Variants in UNC13B observed in about 807,000 individuals in gnomAD.
The protein encoded by UNC13B is protein unc-13 homolog B.
UNC13B carries 144 observed loss-of-function variants against 211.0 expected under a neutral mutation model. That is an observed-to-expected ratio of 0.68 (90% confidence interval 0.60 to 0.78). The LOEUF (loss-of-function observed/expected upper bound fraction) is 0.78. UNC13B is among the 30% of genes least tolerant of loss of function. The pLI, the probability that UNC13B is intolerant of heterozygous loss-of-function variation, is 0.00. For missense variants in UNC13B, 1,777 were observed against 2,002.0 expected (o/e 0.89, Z 2.14); for synonymous variants, 709 against 725.8 (o/e 0.98, Z 0.37).
At chr9:35,294,418 C>G (rs1183091402) in intron 7 of UNC13B, among the ~76,000 whole-genome samples, 2 of 152,014 alleles carry the variant, frequency 1.3e-5, no homozygotes, top group East Asian at 3.9e-4. Context: ...GCGATTCTTC[C>G]GCCTAAGCCT....
chr9:35,364,411 C>G (rs1046010291), intron 11 of UNC13B: 2 of 881,022 alleles, frequency 2.3e-6, no homozygotes, highest in African/African-American at 3.3e-5. Context: ...TATGAACTGC[C>G]TAGTTGTCCC....
At position 35,301,517 on chromosome 9, in the gene UNC13B, A is replaced by G. The variant is rs1001377980; in HGVS notation, c.2113A>G (p.Ser705Gly). Residue 705 changes from serine (S) to glycine (G), a missense_variant, in exon 9 of 40, where the codon AGC (serine) becomes GGC (glycine). Transcript: ENST00000635942. ...REGTLDNYSS[S>G]IIALNGSDEE... The stretch of plus-strand genomic sequence containing the variant: ...AGGCACTCTTGACAATTACAGTAGT[A>G]GCATCATTGCTTTAAATGGGAGTGA... 2 of 398,772 alleles carry G rather than the reference A, an allele frequency of 5.0e-6. No homozygotes were observed. Among genetic ancestry groups the G allele is most frequent in the Non-Finnish European group, 8.9e-6 (2 of 225,972 alleles). 24.7% of individuals were successfully genotyped at this position (398,772 alleles called of 1,614,324 possible).
intron 7 of UNC13B, among the ~76,000 whole-genome samples, chr9:35,281,833 G>A (rs577154020): frequency 2.0e-5 from 3 of 152,320 alleles, no homozygotes; most frequent in African/African-American, 7.2e-5. Context: ...AAGGAGAAAA[G>A]AGTTCATAGT....
At chr9:35,189,756 G>C (rs1279688144) in intron 1 of UNC13B, among the ~76,000 whole-genome samples, 1 of 152,074 alleles carries the variant, frequency 6.6e-6, no homozygotes, top group Non-Finnish European at 1.5e-5. Context: ...CGCAACCTCC[G>C]CCTCCCAGGT....
intron 7 of UNC13B, among the ~76,000 whole-genome samples, chr9:35,283,270 A>G: frequency 6.6e-6 from 1 of 152,140 alleles, no homozygotes; most frequent in East Asian, 1.9e-4. Flanking sequence ...CCTTTGATTT[A>G]TTAATATGCT....
At chr9:35,395,443 A>C (rs938975884) in intron 26 of UNC13B, among the ~76,000 whole-genome samples, 2 of 152,136 alleles carry the variant, frequency 1.3e-5, no homozygotes, top group African/African-American at 2.4e-5. Context: ...ACACTAGTTC[A>C]CAAGGGCCAG....
chr9:35,166,454 A>T (rs1227990144), intron 1 of UNC13B, among the ~76,000 whole-genome samples: 2 of 152,116 alleles, frequency 1.3e-5, no homozygotes, highest in Non-Finnish European at 2.9e-5. Flanking sequence ...ACAAAAAAAG[A>T]AAAAAATTTC....
Position 35,301,282 on chromosome 9 carries a change from T to C in UNC13B, c.1878T>C (p.Thr626=). 5.0e-6 allele frequency: 2 copies of C among 398,514 alleles called. No individual in the cohort carries two copies. Among genetic ancestry groups the C allele is most frequent in the East Asian group, 7.1e-5 (2 of 28,062 alleles). 24.7% of individuals were successfully genotyped at this position (398,514 alleles called of 1,614,324 possible). Residue 626 remains threonine, a synonymous_variant, in exon 9 of 40, where the codon ACT becomes ACC. Transcript: ENST00000635942. ...AAAATGAGCACATGGGTAATAAAAC[T>C]GGGAGTTTATACTTTCAGAATACAA... ...TSENEHMGNK[T]GSLYFQNTTE... is the part of the protein sequence containing the mutation.
At chr9:35,233,933 T>A (rs532877333) in intron 3 of UNC13B, among the ~76,000 whole-genome samples, 21 of 152,256 alleles carry the variant, frequency 1.4e-4, no homozygotes, top group South Asian at 8.3e-4. Flanking sequence ...AGAAGCTTCT[T>A]ATAGAATATA....
chr9:35,229,540 A>AG (rs1376732544), intron 2 of UNC13B, among the ~76,000 whole-genome samples: 1 of 152,066 alleles, frequency 6.6e-6, no homozygotes, highest in Non-Finnish European at 1.5e-5. Context: ...ATCTTTTGAG[A>AG]GGGAATCAGG....
intron 24 of UNC13B, among the ~76,000 whole-genome samples, chr9:35,387,973 C>T (rs1205519922): frequency 1.3e-5 from 2 of 152,048 alleles, no homozygotes; most frequent in African/African-American, 4.8e-5. Context: ...AGGAAAATCT[C>T]TCAGAAGAGG....
At chr9:35,352,130 T>C in intron 11 of UNC13B, 1 of 1,232,158 alleles carries the variant, frequency 8.1e-7, no homozygotes, top group East Asian at 3.2e-5. Context: ...GGCCAAGGTG[T>C]GTGAGGGTGA....
intron 1 of UNC13B, among the ~76,000 whole-genome samples, chr9:35,191,218 C>T (rs1432694187): frequency 6.6e-6 from 1 of 152,128 alleles, no homozygotes; most frequent in African/African-American, 2.4e-5. Context: ...TCCCAAAGTG[C>T]AGGGATTACA....
chr9:35,170,149 T>G (rs1010382069), intron 1 of UNC13B, among the ~76,000 whole-genome samples: 9 of 152,238 alleles, frequency 5.9e-5, no homozygotes, highest in Non-Finnish European at 1.2e-4. Flanking sequence ...ATTTTCACAT[T>G]GTTATTATTA....
chr9:35,289,931 G>A (rs950208834), intron 7 of UNC13B, among the ~76,000 whole-genome samples: 6 of 152,076 alleles, frequency 3.9e-5, no homozygotes, highest in African/African-American at 9.7e-5. Flanking sequence ...AGCCGAGATC[G>A]TGTCACCGCA....
At chr9:35,355,286 G>A (rs1308932711) in intron 11 of UNC13B, among the ~76,000 whole-genome samples, 1 of 152,192 alleles carries the variant, frequency 6.6e-6, no homozygotes, top group East Asian at 1.9e-4. Flanking sequence ...TGCCCATGGG[G>A]AAATGTATTA....
intron 1 of UNC13B, among the ~76,000 whole-genome samples, chr9:35,206,872 C>CAAA (rs35378310): frequency 8.8e-6 from 1 of 113,102 alleles, no homozygotes; most frequent in African/African-American, 3.2e-5. Flanking sequence ...GACTCCATCT[C>CAAA]AAAAAAAAAA....
At position 35,263,670 on chromosome 9, in the gene UNC13B, C is replaced by T. The variant is rs541003527; in HGVS notation, c.526+4620C>T. On this transcript the variant is annotated intron_variant, in intron 7 of 39. Coordinates refer to ENST00000635942, the MANE Select transcript of UNC13B (RefSeq NM_001371189.2). Reference sequence around the variant, plus strand: ...ATTGCTGAGAACTTAATTGTGTCTACCCCCCATTTATATATTGAAGCCTCA... The same window carrying T: ...ATTGCTGAGAACTTAATTGTGTCTATCCCCCATTTATATATTGAAGCCTCA... 4.6e-5 allele frequency among the ~76,000 whole-genome samples: 7 copies of T among 152,094 alleles called. 1 individual carries two copies. The South Asian group carries it at 1.0e-3, about 23-fold the overall frequency.
intron 11 of UNC13B, among the ~76,000 whole-genome samples, chr9:35,314,874 CTTTTTTT>C (rs765803997): frequency 8.7e-5 from 5 of 57,778 alleles, no homozygotes; most frequent in Admixed American, 2.1e-4. Context: ...GATTCCGTAT[CTTTTTTT>C]TTTTTTTTTT....
Sources: gnomAD v4.1 joint callset for allele counts (sites outside exome capture counted in the v4.1 genomes callset) on GRCh38, gnomAD v4.1.1 for gene constraint, MANE v1.5 for transcripts, NCBI Gene and HGNC (gene_info 2026-07-23, HGNC 2026-07-21) for gene names.